The following KHDRBS2 variants were observed in gnomAD, a reference collection of about 807,000 sequenced individuals.
KHDRBS2 encodes the protein KH domain-containing, RNA-binding, signal transduction-associated protein 2.
In KHDRBS2, 26 loss-of-function variants were observed where a neutral mutation model predicts 44.3. That is an observed-to-expected ratio of 0.59 (90% confidence interval 0.43 to 0.81). KHDRBS2 has a LOEUF of 0.81. Among genes scored for constraint, KHDRBS2 ranks in the 40% least tolerant of loss-of-function variants. KHDRBS2 has a pLI of 0.00. For synonymous variants in KHDRBS2, 194 were observed against 151.1 expected (o/e 1.28, Z -2.08); for missense variants, 476 against 433.1 (o/e 1.10, Z -0.88).
chr6:61,864,757 A>C (rs1349373089), intron 6 of KHDRBS2, among the ~76,000 whole-genome samples: 1 of 152,058 alleles, frequency 6.6e-6, no homozygotes, highest in Non-Finnish European at 1.5e-5. Context: ...TGATCTTCTC[A>C]TGGAGTATCC....
intron 6 of KHDRBS2, among the ~76,000 whole-genome samples, chr6:61,759,539 A>G (rs1778972277): frequency 2.0e-5 from 3 of 151,960 alleles, no homozygotes; most frequent in Admixed American, 1.3e-4. Flanking sequence ...TTTTTTAGAT[A>G]TAGGAATTTT....
intron 6 of KHDRBS2, among the ~76,000 whole-genome samples, chr6:61,760,732 C>G (rs2127572437): frequency 6.6e-6 from 1 of 152,230 alleles, no homozygotes; most frequent in East Asian, 1.9e-4. Flanking sequence ...CTGGTTTTAG[C>G]TTATTTGAAA....
chr6:61,742,119 A>G (rs573327334), intron 6 of KHDRBS2, among the ~76,000 whole-genome samples: 14 of 152,122 alleles, frequency 9.2e-5, no homozygotes, highest in Non-Finnish European at 1.6e-4. Context: ...ATTGTCACCA[A>G]AAACTAAAAT....
chr6:61,851,583 C>A (rs2127284615), intron 6 of KHDRBS2, among the ~76,000 whole-genome samples: 1 of 152,120 alleles, frequency 6.6e-6, no homozygotes, highest in South Asian at 2.1e-4. Flanking sequence ...GGCAACTAAG[C>A]TAAGGACACA....
intron 1 of KHDRBS2, among the ~76,000 whole-genome samples, chr6:62,240,712 AT>A (rs1834522016): frequency 2.9e-5 from 4 of 136,398 alleles, no homozygotes; most frequent in Admixed American, 7.2e-5. Context: ...ATATATATAT[AT>A]ATATAAACAT....
chr6:62,179,729 C>T (rs1248031541), intron 1 of KHDRBS2, among the ~76,000 whole-genome samples: 1 of 151,668 alleles, frequency 6.6e-6, no homozygotes, highest in Non-Finnish European at 1.5e-5. Flanking sequence ...CTACCTTAGG[C>T]TTTTTTAGAC....
rs940718729 is a variant in KHDRBS2 at position 62,083,265 on chromosome 6, G to A, written c.220-35271C>T. ...CTTGACTCCAGAGGGATGGCTTCATGGTGGGAACTCAGAGAAGAGTTCAGC... is the reference window on the plus strand; with the variant it reads ...CTTGACTCCAGAGGGATGGCTTCATAGTGGGAACTCAGAGAAGAGTTCAGC... On this transcript the variant is annotated intron_variant, in intron 2 of 8. Transcript: ENST00000281156. Among the ~76,000 whole-genome samples, 9 of 152,134 alleles carry A rather than the reference G, an allele frequency of 5.9e-5. 2 individuals carry two copies. The highest frequency in any genetic ancestry group is 5.9e-4 in the Admixed American group (9 of 15,264).
chr6:61,567,107 C>A, the KHDRBS2 span, among the ~76,000 whole-genome samples: 1 of 152,148 alleles, frequency 6.6e-6, no homozygotes, highest in African/African-American at 2.4e-5. Context: ...CCTACTCTAC[C>A]ATACAGACTG....
intron 6 of KHDRBS2, among the ~76,000 whole-genome samples, chr6:61,880,528 C>T (rs1800057733): frequency 6.6e-6 from 1 of 151,856 alleles, no homozygotes; most frequent in African/African-American, 2.4e-5. Flanking sequence ...ATTATATTTA[C>T]AGATCTCTGT....
intron 4 of KHDRBS2, among the ~76,000 whole-genome samples, chr6:61,945,111 A>ATATATATAT (rs1242129681): frequency 2.6e-5 from 1 of 37,774 alleles, no homozygotes; most frequent in Non-Finnish European, 4.4e-5. Context: ...AAAAAAAAAA[A>ATATATATAT]AGTATATATA....
chr6:62,091,490 T>G (rs1329184120), intron 2 of KHDRBS2, among the ~76,000 whole-genome samples: 1 of 152,130 alleles, frequency 6.6e-6, no homozygotes, highest in Non-Finnish European at 1.5e-5. Flanking sequence ...CATTCCACAG[T>G]GATTGTAGTT....
At chr6:61,599,070 A>G in the KHDRBS2 span, among the ~76,000 whole-genome samples, 6 of 151,964 alleles carry the variant, frequency 3.9e-5, no homozygotes, top group East Asian at 1.9e-4. Flanking sequence ...AGTAGCTGGC[A>G]TTACAGGTGC....
At chr6:61,678,584 T>C (rs894494683), downstream of KHDRBS2, among the ~76,000 whole-genome samples, 3 of 151,860 alleles carry the variant, frequency 2.0e-5, no homozygotes, top group African/African-American at 7.2e-5. Context: ...TTTGTAAAAC[T>C]AAGGAGAGGT....
intron 6 of KHDRBS2, among the ~76,000 whole-genome samples, chr6:61,768,251 G>T (rs1306826257): frequency 6.6e-6 from 1 of 152,024 alleles, no homozygotes; most frequent in Admixed American, 6.5e-5. Context: ...TTTGCATGTT[G>T]TGTCTGTATT....
At chr6:61,909,142 C>T (rs1805591193) in intron 4 of KHDRBS2, among the ~76,000 whole-genome samples, 1 of 151,678 alleles carries the variant, frequency 6.6e-6, no homozygotes. Flanking sequence ...TCTCAGCTCA[C>T]TACAAACTCC....
chr6:62,184,067 C>G (rs557275189), intron 1 of KHDRBS2, among the ~76,000 whole-genome samples: 1 of 151,462 alleles, frequency 6.6e-6, no homozygotes, highest in South Asian at 2.1e-4. Context: ...GAATACAGAA[C>G]CAAACTTTTA....
At chr6:62,193,722 C>G (rs1416561808) in intron 1 of KHDRBS2, among the ~76,000 whole-genome samples, 1 of 152,154 alleles carries the variant, frequency 6.6e-6, no homozygotes, top group African/African-American at 2.4e-5. Context: ...TCCAGGATCT[C>G]TGCATCTTCA....
At chr6:61,974,984 A>G (rs1472235170) in intron 4 of KHDRBS2, among the ~76,000 whole-genome samples, 1 of 148,312 alleles carries the variant, frequency 6.7e-6, no homozygotes, top group Non-Finnish European at 1.5e-5. Context: ...AAATAAATAA[A>G]AGACTACAGT....
At chr6:62,087,127 A>G (rs1227605533) in intron 2 of KHDRBS2, among the ~76,000 whole-genome samples, 1 of 152,118 alleles carries the variant, frequency 6.6e-6, no homozygotes, top group Non-Finnish European at 1.5e-5. Flanking sequence ...TTCACATGAA[A>G]ATGAGCAAAA....
Sources: allele counts gnomAD v4.1 joint callset (sites outside exome capture counted in the v4.1 genomes callset), GRCh38; gene constraint gnomAD v4.1.1; transcripts MANE v1.5; gene names NCBI Gene and HGNC (gene_info 2026-07-23, HGNC 2026-07-21).